Variants in TGFBR3 observed in about 807,000 individuals in gnomAD.
The protein encoded by TGFBR3 is transforming growth factor beta receptor 3.
A neutral mutation model predicts 87.9 loss-of-function variants in TGFBR3; 46 were observed. The observed-to-expected ratio is 0.52, with a 90% CI of 0.41 to 0.67. The LOEUF is 0.67. Ranked by LOEUF, TGFBR3 falls within the 30% of genes least tolerant of loss-of-function variation. TGFBR3 has a pLI of 0.00. For synonymous variants in TGFBR3, 381 were observed against 391.6 expected, an observed-to-expected ratio of 0.97 and a Z score of 0.32; for missense variants, 866 against 1,041.9, an observed-to-expected ratio of 0.83 and a Z score of 2.32.
chr1:91,824,008 T>C (rs920333910), intron 2 of TGFBR3, among the ~76,000 whole-genome samples: 6 of 152,098 alleles, frequency 3.9e-5, no homozygotes, highest in Non-Finnish European at 8.8e-5. Context: ...TGCACACCTG[T>C]AGTACCAGTG....
intron 14 of TGFBR3, among the ~76,000 whole-genome samples, chr1:91,699,303 AGTCTCCCACT>A (rs1244882079): frequency 1.3e-5 from 2 of 151,732 alleles, no homozygotes; most frequent in African/African-American, 4.8e-5. Context: ...ACCTTTGCTG[AGTCTCCCACT>A]GTTCCATCTC....
chr1:91,721,194 A>G (rs1253181622), intron 8 of TGFBR3, among the ~76,000 whole-genome samples: 1 of 152,218 alleles, frequency 6.6e-6, no homozygotes, highest in Non-Finnish European at 1.5e-5. Context: ...GTAAGGGTCC[A>G]AAATAAGTCA....
At chr1:91,838,876 A>G (rs759565985) in intron 2 of TGFBR3, among the ~76,000 whole-genome samples, 1 of 152,062 alleles carries the variant, frequency 6.6e-6, no homozygotes, top group Non-Finnish European at 1.5e-5. Context: ...TTTGCATTCA[A>G]TTTTTTGCAA....
At position 91,844,183 on chromosome 1, in the gene TGFBR3, G is replaced by A. The variant is rs1677392883; in HGVS notation, c.61+17288C>T. Among the ~76,000 whole-genome samples, 2 of 152,188 alleles carry A rather than the reference G, an allele frequency of 1.3e-5. 1 individual carries two copies. The highest frequency in any genetic ancestry group is 4.1e-4 in the South Asian group (2 of 4,830). The stretch of plus-strand genomic sequence containing the variant: ...TATCTCACAGTACACACTGAGCTTT[G>A]AGTTCCTACAACTTAGAGCAAAGGC... On this transcript the variant is annotated intron_variant, in intron 2 of 16. Transcript: ENST00000212355.
chr1:91,769,119 G>A (rs1674285427), intron 3 of TGFBR3, among the ~76,000 whole-genome samples: 1 of 152,158 alleles, frequency 6.6e-6, no homozygotes, highest in Admixed American at 6.5e-5. Context: ...ATTGTAACAT[G>A]GGGATAATAA....
In TGFBR3 at chr1:91,897,313, C is replaced by T. The variant is rs140298096; in HGVS notation, c.-114+2324G>A. On this transcript the variant is annotated intron_variant, in intron 2 of 17. Coordinates refer to the TGFBR3 transcript ENST00000370399. The stretch of plus-strand genomic sequence containing the variant: ...CATATTTTGGGAGATGCCGACTTGA[C>T]GTGGGGAAGAGGAATATTCGTTAGA... Among the ~76,000 whole-genome samples the T allele has an allele frequency of 7.6e-3, 1,155 of 152,164 alleles. 14 individuals carry two copies. Among genetic ancestry groups the T allele is most frequent in the African/African-American group, 0.026 (1,093 of 41,510 alleles).
In TGFBR3 at chr1:91,841,422, T is replaced by C. The variant is rs774085772; in HGVS notation, c.61+20049A>G. Among the ~76,000 whole-genome samples, 45 of 152,304 alleles carry C rather than the reference T, an allele frequency of 3.0e-4. 1 individual carries two copies. The highest frequency in any genetic ancestry group is 6.0e-4 in the Non-Finnish European group (41 of 68,022). ...TGTGCCAGTGAAGTACTGCCTTCAT[T>C]CCTGCTGAGTCACCAGCAGTTTTAT... is the stretch of plus-strand genomic sequence containing the variant. On this transcript the variant is annotated intron_variant, in intron 2 of 16. Coordinates refer to ENST00000212355, the MANE Select transcript of TGFBR3 (RefSeq NM_003243.5).
intron 1 of TGFBR3, among the ~76,000 whole-genome samples, chr1:91,878,662 GTATCTGTAAA>G (rs1385051031): frequency 1.3e-5 from 2 of 152,170 alleles, no homozygotes; most frequent in Non-Finnish European, 2.9e-5. Flanking sequence ...TCAAGGACTA[GTATCTGTAAA>G]GATCATTTTC....
chr1:91,820,023 T>C (rs1351632874), intron 2 of TGFBR3, among the ~76,000 whole-genome samples: 1 of 152,200 alleles, frequency 6.6e-6, no homozygotes, highest in Non-Finnish European at 1.5e-5. Flanking sequence ...ATGAGATTAT[T>C]ATAAGACTCA....
At chr1:91,729,190 CACA>C (rs1672667298) in intron 6 of TGFBR3, among the ~76,000 whole-genome samples, 2 of 140,580 alleles carry the variant, frequency 1.4e-5, no homozygotes, top group African/African-American at 2.8e-5. Context: ...CACACACACA[CACA>C]CACCAAGCAC....
At chr1:91,732,126 C>T (rs1264444916) in intron 5 of TGFBR3, among the ~76,000 whole-genome samples, 1 of 152,116 alleles carries the variant, frequency 6.6e-6, no homozygotes, top group African/African-American at 2.4e-5. Context: ...CTTTGAGACA[C>T]AGAAGGATAT....
At chr1:91,861,366 C>T (rs1421170969) in intron 2 of TGFBR3, 105 bp downstream of exon 2, 29 of 900,706 alleles carry the variant, frequency 3.2e-5, no homozygotes, top group Non-Finnish European at 4.9e-5. Flanking sequence ...TGCCTCTGCA[C>T]TCCAGCCTGG....
intron 2 of TGFBR3, chr1:91,800,850 C>T (rs986506530): frequency 9.8e-5 from 16 of 163,272 alleles, no homozygotes; most frequent in Non-Finnish European, 1.5e-4. Flanking sequence ...TTCAGGAGGC[C>T]GAAGCGGGTG....
At chr1:91,827,207 C>T (rs1188629375) in intron 2 of TGFBR3, among the ~76,000 whole-genome samples, 1 of 152,092 alleles carries the variant, frequency 6.6e-6, no homozygotes, top group African/African-American at 2.4e-5. Flanking sequence ...ATGAGGCTGG[C>T]ATTTGATGTT....
intron 1 of TGFBR3, among the ~76,000 whole-genome samples, chr1:91,904,072 T>C (rs1323153497): frequency 1.3e-5 from 2 of 152,082 alleles, no homozygotes; most frequent in Non-Finnish European, 2.9e-5. Flanking sequence ...TAATCCCAGC[T>C]ACTCGGGAGG....
At position 91,719,259 on chromosome 1, in the gene TGFBR3, G is replaced by A. The variant is rs1672277981; in HGVS notation, c.1566+53C>T. 1.9e-6 allele frequency: 3 copies of A among 1,611,978 alleles called. No individual in the cohort carries two copies. In the Admixed American group the frequency reaches 5.0e-5, roughly 27 times the overall value. ...AAATGTTAAGACTAACTTTAAGGGAGCACACAGCCAGGCTCTGGCAAAGGG... is the reference window on the plus strand; with the variant it reads ...AAATGTTAAGACTAACTTTAAGGGAACACACAGCCAGGCTCTGGCAAAGGG... On this transcript the variant is annotated intron_variant, in intron 10 of 16. Transcript: ENST00000212355.
chr1:91,845,306 A>G (rs1049182701), intron 2 of TGFBR3, among the ~76,000 whole-genome samples: 1 of 152,250 alleles, frequency 6.6e-6, no homozygotes, highest in Non-Finnish European at 1.5e-5. Flanking sequence ...CCAAAAGGAC[A>G]AGAAAAAGAC....
chr1:91,903,120 C>G (rs1301342188), intron 1 of TGFBR3, among the ~76,000 whole-genome samples: 1 of 150,884 alleles, frequency 6.6e-6, no homozygotes, highest in Non-Finnish European at 1.5e-5. Context: ...GTGGTGATCA[C>G]CTGAGGTTGG....
chr1:91,764,775 C>G (rs1373963552), intron 3 of TGFBR3, among the ~76,000 whole-genome samples: 4 of 152,320 alleles, frequency 2.6e-5, no homozygotes, highest in African/African-American at 9.6e-5. Context: ...CGCAGCCTTG[C>G]AGGATTCTGG....
Sources: gnomAD v4.1 joint callset for allele counts (sites outside exome capture counted in the v4.1 genomes callset) on GRCh38, gnomAD v4.1.1 for gene constraint, MANE v1.5 for transcripts, NCBI Gene and HGNC (gene_info 2026-07-23, HGNC 2026-07-21) for gene names.